Variants in TUT7 observed in about 807,000 individuals in gnomAD.
TUT7 encodes the protein terminal uridylyltransferase 7.
A neutral mutation model predicts 165.9 loss-of-function variants in TUT7; 33 were observed. The ratio of observed to expected loss-of-function variants is 0.20; its 90% CI spans 0.15 to 0.27. The LOEUF is 0.27. Among genes scored for constraint, TUT7 ranks in the 10% least tolerant of loss-of-function variants. The pLI, the probability that TUT7 is intolerant of heterozygous loss-of-function variation, is 1.00. For missense variants in TUT7, 1,338 were observed against 1,762.3 expected (o/e 0.76, Z 4.31); for synonymous variants, 552 against 608.1 (o/e 0.91, Z 1.36).
intron 11 of TUT7, among the ~76,000 whole-genome samples, chr9:86,327,665 G>C (rs1036507457): frequency 2.0e-5 from 3 of 152,218 alleles, no homozygotes; most frequent in Non-Finnish European, 2.9e-5. Flanking sequence ...AAGGATTCTA[G>C]AAAACACAAC....
chr9:86,309,661 G>A, intron 19 of TUT7, 85 bp from the exon 20 acceptor site: 1 of 1,173,374 alleles, frequency 8.5e-7, no homozygotes, highest in Non-Finnish European at 1.2e-6. Flanking sequence ...AAAGTAAAGT[G>A]CATATTTTGA....
At chr9:86,322,188 C>T (rs775009818) in intron 14 of TUT7, 137 bp downstream of exon 14, 2 of 726,838 alleles carry the variant, frequency 2.8e-6, no homozygotes, top group Non-Finnish European at 4.4e-6. Flanking sequence ...ACATGGAACG[C>T]TTGAGGATAC....
chr9:86,339,052 A>G (rs1172386841), intron 8 of TUT7, 103 bp from the exon 9 acceptor site: 2 of 1,029,626 alleles, frequency 1.9e-6, no homozygotes, highest in African/African-American at 1.7e-5. Flanking sequence ...CATGCATAAT[A>G]AATACTTCAA....
At chr9:86,297,991 T>G (rs1402943914) in intron 26 of TUT7, among the ~76,000 whole-genome samples, 1 of 138,960 alleles carries the variant, frequency 7.2e-6, no homozygotes, top group Non-Finnish European at 1.5e-5. Context: ...CCACACTGCC[T>G]CAGTGATGCT....
At chr9:86,342,018 C>T (rs892999257) in intron 6 of TUT7, among the ~76,000 whole-genome samples, 17 of 152,006 alleles carry the variant, frequency 1.1e-4, no homozygotes, top group African/African-American at 3.6e-4. Flanking sequence ...TTAATGACAC[C>T]GGATCAAAAT....
intron 1 of TUT7, among the ~76,000 whole-genome samples, 198 bp from the exon 2 acceptor site, chr9:86,353,428 C>T (rs1410246172): frequency 6.6e-6 from 1 of 152,052 alleles, no homozygotes; most frequent in Non-Finnish European, 1.5e-5. Context: ...CTCTAATATT[C>T]TTCATGAAAA....
At position 86,301,432 on chromosome 9, in the gene TUT7, G is replaced by A. The variant is rs148400661; in HGVS notation, c.4264C>T (p.Arg1422Trp). Reference protein sequence around the residue: ...QCTPQKAKPMRAAADLGREKI... With the variant: ...QCTPQKAKPMWAAADLGREKI... ...TCCCTCCCCAGGTCAGCAGCTGCCC[G>A]CATTGGCTTGGCTTTCTGAGGTGTG... is the stretch of plus-strand genomic sequence containing the variant. The change falls in exon 26 of 27, where the codon CGG (arginine) becomes TGG (tryptophan). Residue 1422 changes from arginine to tryptophan, a missense_variant. Physicochemically the swap from Arg to Trp is moderately radical, Grantham distance 101. This residue lies in a region of TUT7 where 167 missense variants were observed against 204.9 expected (regional missense o/e 0.82). Transcript: ENST00000375963. 1.7e-5 allele frequency: 27 copies of A among 1,613,974 alleles called. No individual in the cohort carries two copies. Among genetic ancestry groups the A allele is most frequent in the Non-Finnish European group, 2.1e-5 (25 of 1,180,010 alleles).
At position 86,337,331 on chromosome 9, in the gene TUT7, G is replaced by A. The variant is rs77542491; in HGVS notation, c.1455+88C>T. ...ATAAATCCATGTCAGTTCTGGTTAG[G>A]TGTCTAGATTTTGAAATTATGCAAA... On this transcript the variant is annotated intron_variant, in intron 10 of 26. Transcript: ENST00000375963. The A allele has an allele frequency of 8.4e-4, 1,146 of 1,365,512 alleles. 8 individuals carry two copies. The African/African-American group carries it at 0.015, about 17-fold the overall frequency. The allele number at this position is 1,365,512 out of a possible 1,614,324, so 84.6% of individuals were successfully genotyped here.
At position 86,322,922 on chromosome 9, in the gene TUT7, T is replaced by A. The variant is rs1347757561; in HGVS notation, c.2828A>T (p.Gln943Leu). The change falls in exon 13 of 27, where the codon CAG becomes CTG. Residue 943 changes from glutamine to leucine, a missense_variant. By Grantham distance (113) the Gln-to-Leu change is moderately radical (BLOSUM62 -2). Transcript: ENST00000375963. Reference protein sequence around the residue: ...VCEEKNSPVDQSDFFYEFSKL... With the variant: ...VCEEKNSPVDLSDFFYEFSKL... ...ACTGAATTCATAAAAAAAATCAGAC[T>A]GATCCACAGGTGAATTTTTTTCTTC... The A allele has an allele frequency of 1.3e-5, 20 of 1,583,982 alleles. No homozygotes were observed. The highest frequency in any genetic ancestry group is 1.7e-5 in the Non-Finnish European group (20 of 1,168,526).
intron 11 of TUT7, chr9:86,326,253 A>G (rs1362638734): frequency 6.6e-6 from 1 of 152,586 alleles, no homozygotes; most frequent in Non-Finnish European, 1.5e-5. Flanking sequence ...AATTGGGACA[A>G]GCTTAGATCT....
At chr9:86,353,344 T>A in intron 1 of TUT7, 114 bp from the exon 2 acceptor site, 2 of 821,646 alleles carry the variant, frequency 2.4e-6, no homozygotes, top group Non-Finnish European at 3.5e-6. Flanking sequence ...AGAAACTCCC[T>A]ATTTTTTTAA....
intron 10 of TUT7, among the ~76,000 whole-genome samples, chr9:86,335,650 C>T (rs900955185): frequency 2.0e-5 from 3 of 152,148 alleles, no homozygotes; most frequent in African/African-American, 7.2e-5. Context: ...CAGTTAGATA[C>T]TCTCATGTAC....
chr9:86,352,590 A>G lies in TUT7; in HGVS notation c.520+90T>C, dbSNP rs761146463. On this transcript the variant is annotated intron_variant, in intron 2 of 26. Transcript: ENST00000375963. ...AGAAACTGTGAAAAACTGAAACTAA[A>G]TTGCTGAAAATAACAAAACTCATTT... 29 of 1,469,112 alleles carry G rather than the reference A, an allele frequency of 2.0e-5. No homozygotes were observed. In the African/African-American group the frequency reaches 3.3e-4, roughly 17 times the overall value. 91.0% of individuals were successfully genotyped at this position (1,469,112 alleles called of 1,614,324 possible). A position where few individuals can be genotyped will look rare whatever the true frequency, so the allele number is the denominator to read the frequency against.
At chr9:86,337,149 T>C (rs76694068) in intron 10 of TUT7, 3,230 of 254,054 alleles carry the variant, frequency 0.013, 117 homozygotes, top group African/African-American at 0.067. Flanking sequence ...GGTCAGTCTC[T>C]TGTTCGTCTC....
chr9:86,288,688 G>T lies in TUT7; in HGVS notation c.4477C>A (p.Gln1493Lys), dbSNP rs1015072056. 1 of 1,613,686 alleles carries T rather than the reference G, an allele frequency of 6.2e-7. No homozygotes were observed. Residue 1493 changes from glutamine (Q) to lysine (K), a missense_variant, in exon 27 of 27, where the codon CAG (glutamine) becomes AAG (lysine). Around this residue, in one of 7 missense-constraint regions of TUT7, gnomAD observed 167 missense variants for 204.9 expected, o/e 0.82. Coordinates refer to ENST00000375963, the MANE Select transcript of TUT7 (RefSeq NM_024617.4). ...GCATTTTCCTTCCCTCATGATTCCT[G>T]CTGGGTCCTCTTCGCTGAGGCTTTT... ...QGKASAKRTQQES is the reference protein window; with the variant it reads ...QGKASAKRTQKES
Position 86,328,484 on chromosome 9 carries a change from T to C in TUT7, c.1464A>G (p.Gly488=), listed in dbSNP as rs1564074613. 1 of 1,601,736 alleles carries C rather than the reference T, an allele frequency of 6.2e-7. No individual in the cohort carries two copies. Among genetic ancestry groups the C allele is most frequent in the Non-Finnish European group, 8.5e-7 (1 of 1,175,554 alleles). ...LPVYLGSWIE[G]FSLSKLGNFN... Reference sequence around the variant, plus strand: ...AATTCCCTAGTTTGCTTAATGAGAATCCTTCAATCTAGGAAAAATTAGACA... The same window carrying C: ...AATTCCCTAGTTTGCTTAATGAGAACCCTTCAATCTAGGAAAAATTAGACA... Residue 488 remains glycine (G), a synonymous_variant, in exon 11 of 27, where the codon GGA becomes GGG. Transcript: ENST00000375963.
intron 21 of TUT7, 65 bp from the exon 22 acceptor site, chr9:86,308,671 T>G: frequency 7.5e-7 from 1 of 1,336,444 alleles, no homozygotes; most frequent in Non-Finnish European, 1.0e-6. Flanking sequence ...AATATTCATT[T>G]GTATTTTAGG....
chr9:86,349,353 T>C (rs2131614063), intron 2 of TUT7, among the ~76,000 whole-genome samples: 1 of 152,324 alleles, frequency 6.6e-6, no homozygotes, highest in East Asian at 1.9e-4. Flanking sequence ...TCAGATTTAT[T>C]GTAATAAGAG....
At chr9:86,316,989 T>C (rs1367328131) in intron 17 of TUT7, among the ~76,000 whole-genome samples, 3 of 152,184 alleles carry the variant, frequency 2.0e-5, no homozygotes, top group Non-Finnish European at 2.9e-5. Flanking sequence ...ATAAGTAACC[T>C]AGAGATGACT....
Sources: gnomAD v4.1 joint callset for allele counts (sites outside exome capture counted in the v4.1 genomes callset) on GRCh38, gnomAD v4.1.1 for gene constraint, gnomAD v4.1.1 regional missense constraint, MANE v1.5 for transcripts, NCBI Gene and HGNC (gene_info 2026-07-23, HGNC 2026-07-21) for gene names.